ITGB8: variants seen among roughly 807,000 people sequenced by gnomAD.
ITGB8 encodes integrin beta-8.
Under a neutral mutation model 89.5 loss-of-function variants are expected in ITGB8, and 30 were observed. The ratio of observed to expected loss-of-function variants is 0.34; its 90% CI spans 0.25 to 0.45. ITGB8 has a LOEUF of 0.45. Ranked by LOEUF, ITGB8 falls within the 20% of genes least tolerant of loss-of-function variation. The pLI is 1.00. For missense variants in ITGB8, 836 were observed against 933.3 expected (o/e 0.90, Z 1.36); for synonymous variants, 335 against 320.4 (o/e 1.05, Z -0.49).
intron 10 of ITGB8, 141 bp downstream of exon 10, chr7:20,402,267 T>C (rs1321853949): frequency 8.8e-6 from 6 of 684,066 alleles, no homozygotes; most frequent in Non-Finnish European, 1.4e-5. Context: ...TCCATGAAAT[T>C]AGGGCATGGC....
At chr7:20,402,308 T>G (rs1049234328) in intron 10 of ITGB8, among the ~76,000 whole-genome samples, 182 bp downstream of exon 10, 1 of 152,218 alleles carries the variant, frequency 6.6e-6, no homozygotes, top group Non-Finnish European at 1.5e-5. Flanking sequence ...TTTTGATATT[T>G]ATATCTTAAC....
At chr7:20,396,362 G>A (rs1583533034) in intron 8 of ITGB8, among the ~76,000 whole-genome samples, 2 of 151,994 alleles carry the variant, frequency 1.3e-5, no homozygotes, top group South Asian at 4.2e-4. Context: ...GAACCCAGGA[G>A]GCGGAGCTTG....
intron 3 of ITGB8, among the ~76,000 whole-genome samples, chr7:20,367,500 C>G (rs922289956): frequency 1.3e-5 from 2 of 152,078 alleles, no homozygotes; most frequent in South Asian, 2.1e-4. Context: ...TTATTCCACT[C>G]TCTTTTTCCA....
At chr7:20,391,820 C>T (rs1447767005) in intron 7 of ITGB8, among the ~76,000 whole-genome samples, 1 of 152,152 alleles carries the variant, frequency 6.6e-6, no homozygotes, top group East Asian at 1.9e-4. Context: ...GTTCACAATC[C>T]GTCTTTGCAT....
chr7:20,370,599 AT>A (rs1179158099), intron 3 of ITGB8, among the ~76,000 whole-genome samples: 2 of 131,720 alleles, frequency 1.5e-5, no homozygotes, highest in African/African-American at 5.5e-5. Context: ...TTATTTACTT[AT>A]TTATTATTAT....
chr7:20,383,741 G>C (rs1390702406), intron 6 of ITGB8, among the ~76,000 whole-genome samples: 1 of 152,154 alleles, frequency 6.6e-6, no homozygotes, highest in Non-Finnish European at 1.5e-5. Context: ...TATAAGTCCA[G>C]TGGAATTTTA....
At chr7:20,388,528 AT>A (rs1476712798) in intron 6 of ITGB8, among the ~76,000 whole-genome samples, 3 of 152,194 alleles carry the variant, frequency 2.0e-5, no homozygotes, top group Non-Finnish European at 4.4e-5. Context: ...TACATTTGTA[AT>A]TTTTAAATAT....
In ITGB8 at chr7:20,409,762, T is replaced by C; in HGVS notation, c.2171T>C (p.Val724Ala). Reference sequence around the variant, plus strand: ...ATTAAGTCCTCATCAGATTACAGAGTGTCAGCCTCAAAAAAGGTCAGTGAA... The same window carrying C: ...ATTAAGTCCTCATCAGATTACAGAGCGTCAGCCTCAAAAAAGGTCAGTGAA... ...NKIKSSSDYRVSASKKDKLIL... is the reference protein window; with the variant it reads ...NKIKSSSDYRASASKKDKLIL... Residue 724 changes from valine (V) to alanine (A), a missense_variant, in exon 13 of 14, where the codon GTG becomes GCG. Coordinates refer to ENST00000222573, the MANE Select transcript of ITGB8 (RefSeq NM_002214.3). The C allele has an allele frequency of 6.2e-7, 1 of 1,612,912 alleles. No individual in the cohort carries two copies.
chr7:20,354,988 A>G lies in ITGB8; in HGVS notation c.128-8649A>G, dbSNP rs116930876. Among the ~76,000 whole-genome samples, 291 of 152,294 alleles carry G rather than the reference A, an allele frequency of 1.9e-3. 1 individual carries two copies. Among genetic ancestry groups the G allele is most frequent in the Non-Finnish European group, 3.3e-3 (226 of 68,032 alleles). On this transcript the variant is annotated intron_variant, in intron 1 of 13. Coordinates refer to ENST00000222573, the MANE Select transcript of ITGB8 (RefSeq NM_002214.3). ...CTCTGGGGGAGATTATTGTATAGAC[A>G]TTGCTAGTGCCCCACCCATGCTCTT...
rs10242765 is a variant in ITGB8, at chr7:20,369,973, C to T, written c.388+2787C>T. Among the ~76,000 whole-genome samples the T allele has an allele frequency of 6.1e-3, 933 of 151,756 alleles. 11 individuals carry two copies. The highest frequency in any genetic ancestry group is 0.021 in the African/African-American group (875 of 41,422). On this transcript the variant is annotated intron_variant, in intron 3 of 13. Transcript: ENST00000222573. ...TTACAAAAATTCACAACTTTAAGTG[C>T]TTTTATTATTAAAGAAAAATGAATC...
intron 5 of ITGB8, 94 bp downstream of exon 5, chr7:20,380,925 C>T (rs41273081): frequency 3.4e-4 from 374 of 1,090,226 alleles, no homozygotes; most frequent in Non-Finnish European, 4.6e-4. Context: ...GGAGTGAAAA[C>T]GTAGTGTAGA....
intron 1 of ITGB8, among the ~76,000 whole-genome samples, chr7:20,343,777 T>C (rs562742734): frequency 6.6e-6 from 1 of 152,354 alleles, no homozygotes; most frequent in African/African-American, 2.4e-5. Context: ...AAAATAGTTA[T>C]AGGAGAATCC....
At chr7:20,330,324 A>C (rs1350847669), upstream of ITGB8, among the ~76,000 whole-genome samples, 1 of 152,174 alleles carries the variant, frequency 6.6e-6, no homozygotes, top group Non-Finnish European at 1.5e-5. Context: ...CGTTGGGGGC[A>C]GGGGAGGTCC....
intron 1 of ITGB8, among the ~76,000 whole-genome samples, chr7:20,336,000 C>CTTT (rs201113693): frequency 0.025 from 2,424 of 96,220 alleles, 112 homozygotes; most frequent in African/African-American, 0.039. Flanking sequence ...TCTTGGTTTT[C>CTTT]TTTTTTTTTT....
chr7:20,397,522 G>C (rs549540007), intron 8 of ITGB8, among the ~76,000 whole-genome samples: 13 of 152,278 alleles, frequency 8.5e-5, no homozygotes, highest in African/African-American at 3.1e-4. Flanking sequence ...CACCACACCA[G>C]GCCAACTAAG....
chr7:20,398,498 T>C (rs569837433), intron 8 of ITGB8, among the ~76,000 whole-genome samples: 1 of 152,384 alleles, frequency 6.6e-6, no homozygotes, highest in East Asian at 1.9e-4. Flanking sequence ...TTTGTGATGA[T>C]ATATGTGTTC....
At chr7:20,374,626 T>G (rs1244674325) in intron 3 of ITGB8, among the ~76,000 whole-genome samples, 4 of 152,160 alleles carry the variant, frequency 2.6e-5, no homozygotes, top group Non-Finnish European at 4.4e-5. Context: ...AGCAGATTAC[T>G]GAGTGGTGTC....
intron 1 of ITGB8, among the ~76,000 whole-genome samples, chr7:20,334,009 G>A (rs17364645): frequency 0.25 from 38,417 of 152,064 alleles, 5,458 homozygotes; most frequent in Non-Finnish European, 0.32. Context: ...TACACCAGGA[G>A]AATGTTGAGG....
intron 3 of ITGB8, among the ~76,000 whole-genome samples, chr7:20,373,941 C>A (rs1786033115): frequency 6.6e-6 from 1 of 152,130 alleles, no homozygotes; most frequent in Non-Finnish European, 1.5e-5. Flanking sequence ...ACTTTTTATT[C>A]TTTGTATTCA....
Sources: allele counts gnomAD v4.1 joint callset (sites outside exome capture counted in the v4.1 genomes callset), GRCh38; gene constraint gnomAD v4.1.1; transcripts MANE v1.5; gene names NCBI Gene and HGNC (gene_info 2026-07-23, HGNC 2026-07-21).